Variants in KNG1 observed in about 807,000 individuals in gnomAD.
The protein encoded by KNG1 is kininogen 1.
In KNG1, 23 loss-of-function variants were observed where a neutral mutation model predicts 47.8. The ratio of observed to expected loss-of-function variants is 0.48; its 90% CI spans 0.35 to 0.68. The LOEUF (loss-of-function observed/expected upper bound fraction) is 0.68, where lower values mean the gene tolerates loss of function less well. Among genes scored for constraint, KNG1 ranks in the 30% least tolerant of loss-of-function variants. The pLI is 0.01. For synonymous variants in KNG1, 277 were observed against 277.0 expected, an observed-to-expected ratio of 1.00 and a Z score of 0.00; for missense variants, 762 against 790.2, an observed-to-expected ratio of 0.96 and a Z score of 0.43.
Position 186,743,855 on chromosome 3 carries a change from A to G in KNG1, c.*1524A>G, listed in dbSNP as rs1720876898. 1 of 1,056,030 alleles carries G rather than the reference A, an allele frequency of 9.5e-7. No homozygotes were observed. Among genetic ancestry groups the G allele is most frequent in the Non-Finnish European group, 1.5e-6 (1 of 672,240 alleles). The allele number at this position is 1,056,030 out of a possible 1,614,324, so 65.4% of individuals were successfully genotyped here. A position where few individuals can be genotyped will look rare whatever the true frequency, so the allele number is the denominator to read the frequency against. On this transcript the variant is annotated 3_prime_UTR_variant, in exon 10 of 10. Transcript: ENST00000644859. ...TCTGCCAGCAACCTTGAGAGGAAGG[A>G]CAAGAAGAAAGATGGGATAGAATTT...
Position 186,717,631 on chromosome 3 carries a change from A to G in KNG1, c.89A>G (p.Asp30Gly). The part of the protein sequence containing the change: ...ESQSEEIDCN[D>G]KDLFKAVDAA... ...CAGTCCGAGGAAATTGACTGCAATG[A>G]CAAGGATTTATTTAAAGCTGTGGAT... The change falls in exon 1 of 10, where the codon GAC becomes GGC. Residue 30 changes from aspartate to glycine, a missense_variant. By Grantham distance (94) the Asp-to-Gly change is moderately conservative. Coordinates refer to ENST00000644859, the MANE Select transcript of KNG1 (RefSeq NM_001102416.3). 3 of 1,613,100 alleles carry G rather than the reference A, an allele frequency of 1.9e-6. No individual in the cohort carries two copies. Among genetic ancestry groups the G allele is most frequent in the Non-Finnish European group, 2.5e-6 (3 of 1,179,498 alleles).
At chr3:186,732,384 T>C in intron 6 of KNG1, 118 bp from the exon 7 acceptor site, 1 of 901,614 alleles carries the variant, frequency 1.1e-6, no homozygotes, top group South Asian at 1.4e-5. Flanking sequence ...CACTCACTAC[T>C]GGGCCTGGGC....
In KNG1 at chr3:186,739,407, T is replaced by G. The variant is rs1720749923; in HGVS notation, c.1118T>G (p.Leu373Arg). Residue 373 changes from leucine to arginine, a missense_variant, in exon 9 of 10, where the codon CTG becomes CGG. Leu to Arg is a moderately radical substitution (Grantham distance 102). Transcript: ENST00000644859. The stretch of plus-strand genomic sequence containing the variant: ...TACCCTACTGTCAACTGTCAACCAC[T>G]GGGAATGGTATGATTCTAATTACAG... ...KIYPTVNCQPLGMISLMKRPP... is the reference protein window; with the variant it reads ...KIYPTVNCQPRGMISLMKRPP... 5 of 1,603,428 alleles carry G rather than the reference T, an allele frequency of 3.1e-6. No individual in the cohort carries two copies. Among genetic ancestry groups the G allele is most frequent in the South Asian group, 1.1e-5 (1 of 90,852 alleles).
chr3:186,725,542 G>GTTTTTTTTTTTTTT (rs1560063426), intron 4 of KNG1, among the ~76,000 whole-genome samples: 12 of 75,048 alleles, frequency 1.6e-4, no homozygotes, highest in South Asian at 4.2e-4. Context: ...CCGGCCTTAG[G>GTTTTTTTTTTTTTT]ATTTTTTTTT....
chr3:186,725,711 T>A (rs1485419321), intron 4 of KNG1, among the ~76,000 whole-genome samples: 1 of 62,674 alleles, frequency 1.6e-5, no homozygotes, highest in Non-Finnish European at 4.2e-5. Context: ...CACTGGCTAA[T>A]TTTTTTTATT....
chr3:186,739,100 T>G lies in KNG1; in HGVS notation c.932T>G (p.Val311Gly). ...ACTTTGTACTAATTAATTTTTCAGG[T>G]GGTGGCTGGCAAGAAATATTTTATT... ...IDNVKKARVQ[V>G]VAGKKYFIDF... Residue 311 changes from valine (V) to glycine (G), a missense_variant and splice_region_variant, in exon 8 of 10, where the codon GTG becomes GGG. By Grantham distance (109) the Val-to-Gly change is moderately radical (BLOSUM62 -3). Transcript: ENST00000644859. 1 of 1,611,778 alleles carries G rather than the reference T, an allele frequency of 6.2e-7. No homozygotes were observed. Among genetic ancestry groups the G allele is most frequent in the Non-Finnish European group, 8.5e-7 (1 of 1,177,918 alleles).
At chr3:186,721,024 G>A (rs1223392456) in intron 2 of KNG1, among the ~76,000 whole-genome samples, 6 of 151,892 alleles carry the variant, frequency 4.0e-5, no homozygotes, top group Admixed American at 6.6e-5. Flanking sequence ...CTCCTGACCT[G>A]GTGATCTGCC....
intron 3 of KNG1, among the ~76,000 whole-genome samples, chr3:186,723,936 G>A (rs1014591129): frequency 2.6e-5 from 4 of 152,188 alleles, no homozygotes; most frequent in Non-Finnish European, 4.4e-5. Flanking sequence ...TTACAGGTGT[G>A]AGCCACTGTG....
intron 7 of KNG1, chr3:186,738,781 G>A (rs759147158): frequency 4.0e-5 from 12 of 301,554 alleles, no homozygotes; most frequent in Non-Finnish European, 7.0e-5. Context: ...AGGAGGCGGA[G>A]GTTGTGGTGA....
chr3:186,731,172 A>G (rs1261570401), intron 5 of KNG1, among the ~76,000 whole-genome samples: 1 of 152,078 alleles, frequency 6.6e-6, no homozygotes, highest in Non-Finnish European at 1.5e-5. Flanking sequence ...TTCATCTGTT[A>G]TTTTTAAGCT....
intron 9 of KNG1, among the ~76,000 whole-genome samples, chr3:186,741,081 C>T (rs1051256294): frequency 4.6e-5 from 7 of 151,978 alleles, no homozygotes; most frequent in African/African-American, 1.2e-4. Context: ...GCAACCTCCA[C>T]GTCCTGGGTT....
At chr3:186,720,367 C>A in intron 2 of KNG1, 152 bp downstream of exon 2, 1 of 675,824 alleles carries the variant, frequency 1.5e-6, no homozygotes. Flanking sequence ...TGCTTTATAT[C>A]TGTGTTCTTG....
At position 186,741,620 on chromosome 3, in the gene KNG1, C is replaced by A; in HGVS notation, c.1224C>A (p.Ser408=). The A allele has an allele frequency of 6.2e-7, 1 of 1,613,592 alleles. No individual in the cohort carries two copies. The highest frequency in any genetic ancestry group is 8.5e-7 in the Non-Finnish European group (1 of 1,179,850). ...CAACTGTAAGTCCACCCCACACTTC[C>A]ATGGCACCTGCACAAGATGAAGAGC... ...EETTVSPPHT[S]MAPAQDEERD... Residue 408 remains serine (S), a synonymous_variant, in exon 10 of 10, where the codon TCC becomes TCA. Transcript: ENST00000644859.
At chr3:186,732,754 T>A in intron 7 of KNG1, 80 bp downstream of exon 7, 1 of 1,131,886 alleles carries the variant, frequency 8.8e-7, no homozygotes, top group Non-Finnish European at 1.3e-6. Flanking sequence ...TGATCTTGGC[T>A]CTGGATTGGG....
rs1239148163 is a variant in KNG1, at chr3:186,717,369, T to C, written c.-174T>C. Reference sequence around the variant, plus strand: ...TAACCCAGCAGAGCCATTTAACCTTTGGGAACAAGGCAACTAGCGTCTGGC... The same window carrying C: ...TAACCCAGCAGAGCCATTTAACCTTCGGGAACAAGGCAACTAGCGTCTGGC... On this transcript the variant is annotated 5_prime_UTR_variant, in exon 1 of 10. Coordinates refer to ENST00000644859, the MANE Select transcript of KNG1 (RefSeq NM_001102416.3). 1.3e-5 allele frequency: 8 copies of C among 629,410 alleles called. No individual in the cohort carries two copies. The Admixed American group carries it at 2.0e-4, about 16-fold the overall frequency. 39.0% of individuals were successfully genotyped at this position (629,410 alleles called of 1,614,324 possible).
intron 3 of KNG1, 96 bp from the exon 4 acceptor site, chr3:186,724,992 T>A: frequency 7.3e-7 from 1 of 1,366,862 alleles, no homozygotes; most frequent in Non-Finnish European, 1.0e-6. Context: ...TTTACAGGCA[T>A]GAGCCACCAC....
Position 186,744,367 on chromosome 3 carries a change from T to C in KNG1, c.*2036T>C, listed in dbSNP as rs2651639. 0.051 allele frequency: 7,874 copies of C among 153,492 alleles called. 638 individuals are homozygous for C. The highest frequency in any genetic ancestry group is 0.17 in the African/African-American group (7,095 of 41,528). The allele number at this position is 153,492 out of a possible 1,614,324, so 9.5% of individuals were successfully genotyped here. On this transcript the variant is annotated 3_prime_UTR_variant, in exon 10 of 10. Transcript: ENST00000644859. Reference sequence around the variant, plus strand: ...TTTGAAATTATCTTTCTGATCCAGGTAAAGAAGCAAATTGAAAATCAATAA... The same window carrying C: ...TTTGAAATTATCTTTCTGATCCAGGCAAAGAAGCAAATTGAAAATCAATAA...
chr3:186,733,589 G>T (rs989193652), intron 7 of KNG1, among the ~76,000 whole-genome samples: 1 of 152,084 alleles, frequency 6.6e-6, no homozygotes. Flanking sequence ...AGCATCTGCC[G>T]CTCACATCCC....
chr3:186,741,481 AT>A (rs1458652487), intron 9 of KNG1, 40 bp from the exon 10 acceptor site: 1 of 1,576,568 alleles, frequency 6.3e-7, no homozygotes, highest in South Asian at 1.2e-5. Context: ...CAATAGCATG[AT>A]TTTTGCAGTA....
Sources: allele counts gnomAD v4.1 joint callset (sites outside exome capture counted in the v4.1 genomes callset), GRCh38; gene constraint gnomAD v4.1.1; transcripts MANE v1.5; gene names NCBI Gene and HGNC (gene_info 2026-07-23, HGNC 2026-07-21).